PPP2R2B: variants seen among roughly 807,000 people sequenced by gnomAD.
The protein encoded by PPP2R2B is protein phosphatase 2 regulatory subunit Bbeta.
In PPP2R2B, 5 loss-of-function variants were observed where a neutral mutation model predicts 46.0. That is an observed-to-expected ratio of 0.11 (90% CI 0.06 to 0.23). The LOEUF is 0.23. PPP2R2B is among the 10% of genes least tolerant of loss of function. The pLI, the probability that PPP2R2B is intolerant of heterozygous loss-of-function variation, is 1.00. For synonymous variants in PPP2R2B, 215 were observed against 206.7 expected (o/e 1.04, Z -0.34); for missense variants, 367 against 575.0 (o/e 0.64, Z 3.70).
intron 1 of PPP2R2B, among the ~76,000 whole-genome samples, chr5:146,905,625 G>A (rs1762971472): frequency 6.6e-6 from 1 of 151,976 alleles, no homozygotes; most frequent in South Asian, 2.1e-4. Flanking sequence ...ACTAGTGAAT[G>A]GTATAGTACA....
At chr5:146,615,607 C>G (rs920241188) in intron 7 of PPP2R2B, among the ~76,000 whole-genome samples, 1 of 149,848 alleles carries the variant, frequency 6.7e-6, no homozygotes, top group South Asian at 2.1e-4. Context: ...AAAATGATCT[C>G]AACAGCAAAT....
intron 2 of PPP2R2B, among the ~76,000 whole-genome samples, chr5:146,857,111 G>T (rs1273655456): frequency 1.3e-5 from 2 of 152,144 alleles, no homozygotes; most frequent in African/African-American, 4.8e-5. Context: ...AGCGTTTGGG[G>T]TAGGGTTTTA....
At chr5:146,680,803 C>G (rs1166161565) in intron 5 of PPP2R2B, among the ~76,000 whole-genome samples, 1 of 152,186 alleles carries the variant, frequency 6.6e-6, no homozygotes, top group Non-Finnish European at 1.5e-5. Context: ...TCCACCCAAA[C>G]AAACACAAAC....
chr5:146,654,378 G>A (rs999724428), intron 5 of PPP2R2B, among the ~76,000 whole-genome samples: 1 of 152,224 alleles, frequency 6.6e-6, no homozygotes, highest in African/African-American at 2.4e-5. Flanking sequence ...AGCCACTACT[G>A]TGAATGAAAC....
At chr5:147,080,321 AG>A (rs1298133483) in intron 2 of PPP2R2B, among the ~76,000 whole-genome samples, 1 of 152,130 alleles carries the variant, frequency 6.6e-6, no homozygotes, top group Non-Finnish European at 1.5e-5. Flanking sequence ...CTACCATCAA[AG>A]CAGCAAAATC....
intron 2 of PPP2R2B, among the ~76,000 whole-genome samples, chr5:146,739,025 A>AT (rs5871990): frequency 6.6e-6 from 1 of 150,788 alleles, no homozygotes. Context: ...AAGTGCACCT[A>AT]TTTTTTTTTT....
chr5:146,800,884 G>A (rs1174288887), intron 2 of PPP2R2B, among the ~76,000 whole-genome samples: 3 of 151,456 alleles, frequency 2.0e-5, no homozygotes, highest in Non-Finnish European at 2.9e-5. Context: ...GTCAACAGAT[G>A]AATGGATGAA....
At chr5:146,784,826 G>T (rs919576387) in intron 2 of PPP2R2B, among the ~76,000 whole-genome samples, 1 of 152,134 alleles carries the variant, frequency 6.6e-6, no homozygotes, top group Admixed American at 6.5e-5. Flanking sequence ...CAGTTTCCTG[G>T]TGAGTTCAGA....
chr5:146,831,556 T>C (rs1430384947), intron 2 of PPP2R2B, among the ~76,000 whole-genome samples: 1 of 144,296 alleles, frequency 6.9e-6, no homozygotes, highest in African/African-American at 2.6e-5. Flanking sequence ...CAAACCACTA[T>C]GGCACACATT....
At chr5:147,049,045 G>T (rs1279646797) in intron 1 of PPP2R2B, among the ~76,000 whole-genome samples, 3 of 151,838 alleles carry the variant, frequency 2.0e-5, no homozygotes, top group East Asian at 3.9e-4. Flanking sequence ...CTAGCTGGGG[G>T]TGAGAGGAGA....
chr5:146,608,770 G>A (rs1425376605), intron 7 of PPP2R2B, among the ~76,000 whole-genome samples: 1 of 152,068 alleles, frequency 6.6e-6, no homozygotes, highest in African/African-American at 2.4e-5. Context: ...GGGCCACAGA[G>A]TAAGACTCTG....
At chr5:146,910,291 A>T (rs1380282302) in intron 1 of PPP2R2B, among the ~76,000 whole-genome samples, 1 of 152,256 alleles carries the variant, frequency 6.6e-6, no homozygotes, top group African/African-American at 2.4e-5. Context: ...CTATACAGCT[A>T]TGGATGCAAA....
At chr5:146,985,699 G>A (rs1232755926) in intron 1 of PPP2R2B, among the ~76,000 whole-genome samples, 1 of 152,144 alleles carries the variant, frequency 6.6e-6, no homozygotes, top group Non-Finnish European at 1.5e-5. Context: ...ATTATTCAAT[G>A]TAGTATTGAA....
intron 7 of PPP2R2B, among the ~76,000 whole-genome samples, chr5:146,617,697 TC>T (rs1244046235): frequency 2.4e-3 from 346 of 146,168 alleles, no homozygotes; most frequent in African/African-American, 8.8e-3. Flanking sequence ...TCTCTCTCTC[TC>T]TTTTTTTTTT....
chr5:146,763,388 G>A (rs1754283907), intron 2 of PPP2R2B, among the ~76,000 whole-genome samples: 1 of 152,112 alleles, frequency 6.6e-6, no homozygotes, highest in African/African-American at 2.4e-5. Context: ...ACCTCTCTGA[G>A]CCTCTGGTTT....
intron 1 of PPP2R2B, among the ~76,000 whole-genome samples, chr5:146,947,998 G>A (rs1427457801): frequency 3.3e-5 from 5 of 151,724 alleles, no homozygotes; most frequent in African/African-American, 9.7e-5. Flanking sequence ...GAGACCACAG[G>A]GTTGTGTGGC....
intron 5 of PPP2R2B, among the ~76,000 whole-genome samples, chr5:146,681,794 A>T (rs183683096): frequency 2.4e-4 from 36 of 152,336 alleles, no homozygotes; most frequent in Non-Finnish European, 2.9e-5. Context: ...AATTCAGACC[A>T]TTTAACAACC....
chr5:147,067,996 C>T (rs917153640), intron 2 of PPP2R2B, among the ~76,000 whole-genome samples: 5 of 151,984 alleles, frequency 3.3e-5, no homozygotes, highest in African/African-American at 1.2e-4. Flanking sequence ...TTTGTGTGCA[C>T]CCAGGTGTAA....
intron 2 of PPP2R2B, among the ~76,000 whole-genome samples, chr5:147,062,062 G>A (rs974288525): frequency 2.0e-5 from 3 of 152,098 alleles, no homozygotes; most frequent in African/African-American, 7.2e-5. Context: ...AGTCAACTGT[G>A]GACTGCAAAT....
Sources: gnomAD v4.1 joint callset for allele counts (sites outside exome capture counted in the v4.1 genomes callset) on GRCh38, gnomAD v4.1.1 for gene constraint, MANE v1.5 for transcripts, NCBI Gene and HGNC (gene_info 2026-07-23, HGNC 2026-07-21) for gene names.